Variants in ARL15 observed in about 807,000 individuals in gnomAD.
ARL15 encodes the protein ARF like GTPase 15, also known as ADP-ribosylation factor-like protein 15.
In ARL15, 19 loss-of-function variants were observed where a neutral mutation model predicts 25.2. The ratio of observed to expected loss-of-function variants is 0.75; its 90% confidence interval spans 0.53 to 1.10. ARL15 has a LOEUF of 1.10. ARL15 is among the 50% of genes least tolerant of loss of function. ARL15 has a pLI of 0.00. For synonymous variants in ARL15, 94 were observed against 86.8 expected, an observed-to-expected ratio of 1.08 and a Z score of -0.46; for missense variants, 220 against 246.0, an observed-to-expected ratio of 0.89 and a Z score of 0.71.
At chr5:54,074,338 G>C (rs1751521065) in intron 4 of ARL15, among the ~76,000 whole-genome samples, 1 of 152,166 alleles carries the variant, frequency 6.6e-6, no homozygotes, top group African/African-American at 2.4e-5. Flanking sequence ...TCCAAAAATA[G>C]TGGCTATAAT....
intron 4 of ARL15, among the ~76,000 whole-genome samples, chr5:53,966,143 C>G (rs1747556348): frequency 6.6e-6 from 1 of 152,084 alleles, no homozygotes; most frequent in Admixed American, 6.5e-5. Context: ...CAGCCCCATC[C>G]TCCAACCTCA....
At chr5:53,886,737 A>AAT in intron 4 of ARL15, 24 bp from the exon 5 acceptor site, 1 of 1,521,794 alleles carries the variant, frequency 6.6e-7, no homozygotes, top group Non-Finnish European at 8.8e-7. Flanking sequence ...AATAAAGATA[A>AAT]ATAGGTTATT....
At chr5:54,038,234 TTATGCACTGC>T (rs1750231617) in intron 4 of ARL15, among the ~76,000 whole-genome samples, 1 of 152,132 alleles carries the variant, frequency 6.6e-6, no homozygotes, top group Non-Finnish European at 1.5e-5. Context: ...TATCCAAACA[TTATGCACTGC>T]AATAATGGCA....
chr5:54,215,657 G>C (rs1028064754), intron 1 of ARL15, among the ~76,000 whole-genome samples: 2 of 152,018 alleles, frequency 1.3e-5, no homozygotes, highest in Admixed American at 1.3e-4. Flanking sequence ...TATTTAATGA[G>C]CTTGGGCTTC....
chr5:53,905,761 A>G (rs1160883223), intron 4 of ARL15, among the ~76,000 whole-genome samples: 1 of 152,222 alleles, frequency 6.6e-6, no homozygotes, highest in Non-Finnish European at 1.5e-5. Context: ...TATAATTCCA[A>G]TGCCTGACAA....
intron 4 of ARL15, among the ~76,000 whole-genome samples, chr5:53,994,465 T>G (rs1236772153): frequency 6.6e-6 from 1 of 152,206 alleles, no homozygotes; most frequent in Non-Finnish European, 1.5e-5. Flanking sequence ...ACATTTTACT[T>G]TTTTGTTTTT....
chr5:54,117,004 T>A (rs1237494152), intron 3 of ARL15, among the ~76,000 whole-genome samples: 1 of 152,196 alleles, frequency 6.6e-6, no homozygotes, highest in Non-Finnish European at 1.5e-5. Context: ...ATTTCCCAAC[T>A]GGTTAATTCA....
chr5:54,219,849 C>T (rs529278946), intron 1 of ARL15, among the ~76,000 whole-genome samples: 1 of 152,154 alleles, frequency 6.6e-6, no homozygotes, highest in Non-Finnish European at 1.5e-5. Context: ...CCATGGGCAA[C>T]CATATGGCAA....
At chr5:54,031,523 G>T (rs188973475) in intron 4 of ARL15, among the ~76,000 whole-genome samples, 1 of 152,268 alleles carries the variant, frequency 6.6e-6, no homozygotes, top group Non-Finnish European at 1.5e-5. Flanking sequence ...CAGCTGTAGA[G>T]GCACTACCCT....
chr5:54,143,818 A>G (rs1753833883), intron 3 of ARL15, among the ~76,000 whole-genome samples: 2 of 152,072 alleles, frequency 1.3e-5, no homozygotes, highest in African/African-American at 4.8e-5. Context: ...AAGATAATTT[A>G]TTATATGAGC....
intron 3 of ARL15, among the ~76,000 whole-genome samples, chr5:54,148,505 A>G (rs2112332125): frequency 6.6e-6 from 1 of 152,352 alleles, no homozygotes; most frequent in South Asian, 2.1e-4. Context: ...ACCCTAAAAA[A>G]GTTGTCTTTT....
intron 4 of ARL15, among the ~76,000 whole-genome samples, chr5:53,944,319 G>T (rs1180880189): frequency 6.6e-6 from 1 of 152,092 alleles, no homozygotes; most frequent in Non-Finnish European, 1.5e-5. Flanking sequence ...ATGAAATAAA[G>T]AAATGACCTG....
At chr5:54,030,960 C>T (rs1165821167) in intron 4 of ARL15, among the ~76,000 whole-genome samples, 2 of 152,100 alleles carry the variant, frequency 1.3e-5, no homozygotes, top group Admixed American at 6.5e-5. Context: ...GTGACACAAA[C>T]AAGGAGCCAC....
chr5:53,986,315 A>G (rs942917751), intron 4 of ARL15, among the ~76,000 whole-genome samples: 7 of 152,226 alleles, frequency 4.6e-5, no homozygotes, highest in Admixed American at 2.0e-4. Context: ...ACCAGCAAAA[A>G]TAAACCAAAA....
intron 2 of ARL15, among the ~76,000 whole-genome samples, chr5:54,155,882 A>G (rs938900325): frequency 5.9e-5 from 9 of 152,134 alleles, no homozygotes; most frequent in Admixed American, 2.0e-4. Context: ...TAAAAGCCCT[A>G]TGAATTTCTA....
At chr5:54,021,134 G>A (rs984384724) in intron 4 of ARL15, among the ~76,000 whole-genome samples, 10 of 152,004 alleles carry the variant, frequency 6.6e-5, no homozygotes, top group African/African-American at 1.9e-4. Context: ...TCTGGAGTTC[G>A]AGACCAGCCT....
At chr5:54,199,271 G>T (rs1304720937) in intron 1 of ARL15, among the ~76,000 whole-genome samples, 2 of 152,018 alleles carry the variant, frequency 1.3e-5, no homozygotes, top group African/African-American at 2.4e-5. Flanking sequence ...CAAAAGCAAT[G>T]GCAACAAAAG....
At position 54,127,804 on chromosome 5, in the gene ARL15, C is replaced by T. The variant is rs529502894; in HGVS notation, c.254-14394G>A. 6.2e-3 allele frequency among the ~76,000 whole-genome samples: 947 copies of T among 151,666 alleles called. 18 individuals are homozygous for T. The highest frequency in any genetic ancestry group is 5.4e-3 in the Admixed American group (82 of 15,250). On this transcript the variant is annotated intron_variant, in intron 3 of 4. Coordinates refer to ENST00000504924, the MANE Select transcript of ARL15 (RefSeq NM_019087.3). ...CTACAGTAACCAAAACAGCATGGTA[C>T]TGGTACCAAAACAGAGATATAGATC...
intron 1 of ARL15, among the ~76,000 whole-genome samples, chr5:54,192,063 G>A (rs149230182): frequency 6.6e-6 from 1 of 151,906 alleles, no homozygotes; most frequent in East Asian, 1.9e-4. Context: ...GCAGTTCCTG[G>A]CCCACGCTTG....
Sources: allele counts gnomAD v4.1 joint callset (sites outside exome capture counted in the v4.1 genomes callset), GRCh38; gene constraint gnomAD v4.1.1; transcripts MANE v1.5; gene names NCBI Gene and HGNC (gene_info 2026-07-23, HGNC 2026-07-21).